The following KLHL32 variants were observed in gnomAD, a reference collection of about 807,000 sequenced individuals.
The protein encoded by KLHL32 is kelch-like protein 32.
In KLHL32, 35 loss-of-function variants were observed where a neutral mutation model predicts 64.8. The ratio of observed to expected loss-of-function variants is 0.54; its 90% CI spans 0.41 to 0.72. The LOEUF is 0.72. Ranked by LOEUF, KLHL32 falls within the 30% of genes least tolerant of loss-of-function variation. The pLI is 0.00. For missense variants in KLHL32, 589 were observed against 768.5 expected (o/e 0.77, Z 2.76); for synonymous variants, 259 against 281.0 (o/e 0.92, Z 0.78).
chr6:97,069,906 C>T (rs1025868602), intron 5 of KLHL32, among the ~76,000 whole-genome samples: 5 of 151,796 alleles, frequency 3.3e-5, no homozygotes, highest in Non-Finnish European at 7.4e-5. Flanking sequence ...ACTACAATGA[C>T]TTATAGGAGG....
chr6:97,099,552 C>T (rs138202952), intron 6 of KLHL32, among the ~76,000 whole-genome samples: 287 of 152,336 alleles, frequency 1.9e-3, no homozygotes, highest in African/African-American at 6.5e-3. Flanking sequence ...CTACCTTCTA[C>T]TCATTCCTTC....
intron 1 of KLHL32, among the ~76,000 whole-genome samples, chr6:96,932,932 C>T (rs1770121004): frequency 6.6e-6 from 1 of 152,100 alleles, no homozygotes; most frequent in Non-Finnish European, 1.5e-5. Context: ...CCATCAGAAG[C>T]CTGCAATTAA....
At chr6:97,020,622 A>G (rs1015924648) in intron 3 of KLHL32, among the ~76,000 whole-genome samples, 8 of 151,064 alleles carry the variant, frequency 5.3e-5, no homozygotes, top group African/African-American at 1.7e-4. Flanking sequence ...TTATAAGACT[A>G]GCATAATGAG....
intron 3 of KLHL32, among the ~76,000 whole-genome samples, chr6:97,028,880 T>TAGG (rs1783117561): frequency 6.6e-6 from 1 of 152,134 alleles, no homozygotes; most frequent in Non-Finnish European, 1.5e-5. Flanking sequence ...GTATGGTGGG[T>TAGG]AGGAATGTAT....
At chr6:96,986,220 C>G (rs185845077) in intron 3 of KLHL32, among the ~76,000 whole-genome samples, 1 of 152,144 alleles carries the variant, frequency 6.6e-6, no homozygotes, top group South Asian at 2.1e-4. Context: ...GCTGCCGGAT[C>G]GTTCCTCTGG....
At chr6:97,067,431 A>G (rs563710493) in intron 5 of KLHL32, among the ~76,000 whole-genome samples, 1 of 152,144 alleles carries the variant, frequency 6.6e-6, no homozygotes, top group South Asian at 2.1e-4. Flanking sequence ...AATGTATTTA[A>G]TGCTAATTGA....
chr6:97,016,849 A>G (rs1297330122), intron 3 of KLHL32, among the ~76,000 whole-genome samples: 1 of 152,092 alleles, frequency 6.6e-6, no homozygotes, highest in Admixed American at 6.6e-5. Context: ...TTCTCATGAT[A>G]ATGAGTGAGT....
At chr6:97,092,919 G>A (rs968927469) in intron 6 of KLHL32, among the ~76,000 whole-genome samples, 20 of 152,150 alleles carry the variant, frequency 1.3e-4, no homozygotes, top group African/African-American at 4.8e-4. Flanking sequence ...GACCCAACTT[G>A]TATTCATGTG....
chr6:96,994,690 G>A, intron 3 of KLHL32: 1 of 906,956 alleles, frequency 1.1e-6, no homozygotes, highest in Non-Finnish European at 1.3e-6. Context: ...GAGTTCCTGT[G>A]ATCATCACCA....
intron 3 of KLHL32, among the ~76,000 whole-genome samples, chr6:97,003,567 G>T (rs1461784561): frequency 6.6e-6 from 1 of 152,102 alleles, no homozygotes; most frequent in African/African-American, 2.4e-5. Context: ...ATGTCTGCCA[G>T]GGCCTATGTC....
intron 3 of KLHL32, among the ~76,000 whole-genome samples, chr6:97,015,506 G>A (rs960289210): frequency 6.6e-6 from 1 of 152,228 alleles, no homozygotes; most frequent in Non-Finnish European, 1.5e-5. Context: ...CTATGCTTTA[G>A]CAAAGAGACT....
intron 2 of KLHL32, among the ~76,000 whole-genome samples, chr6:96,968,397 A>C (rs35745860): frequency 0.13 from 19,597 of 151,800 alleles, 1,555 homozygotes; most frequent in East Asian, 0.26. Context: ...AAAACAAAAA[A>C]AAAAACATCT....
intron 6 of KLHL32, among the ~76,000 whole-genome samples, chr6:97,105,749 T>C (rs569054232): frequency 2.7e-5 from 4 of 149,504 alleles, no homozygotes; most frequent in Admixed American, 2.0e-4. Flanking sequence ...TGAAAGACAA[T>C]ATTTGTAGAC....
intron 3 of KLHL32, among the ~76,000 whole-genome samples, chr6:96,977,207 T>TAATATGTATATAATA (rs1279956983): frequency 6.6e-6 from 1 of 152,190 alleles, no homozygotes; most frequent in African/African-American, 2.4e-5. Flanking sequence ...ATTGTGCACA[T>TAATATGTATATAATA]ATATATACAT....
chr6:96,909,229 C>T, the KLHL32 span, among the ~76,000 whole-genome samples: 3 of 152,062 alleles, frequency 2.0e-5, no homozygotes, highest in Admixed American at 2.0e-4. Flanking sequence ...CTATCAGAAC[C>T]ACATGGAAGT....
At chr6:97,061,183 C>A (rs1788829514) in intron 4 of KLHL32, among the ~76,000 whole-genome samples, 1 of 152,130 alleles carries the variant, frequency 6.6e-6, no homozygotes, top group Non-Finnish European at 1.5e-5. Context: ...CATGCCCCCA[C>A]CTAAGTTTGC....
At chr6:96,906,220 C>A in the KLHL32 span, among the ~76,000 whole-genome samples, 1 of 152,186 alleles carries the variant, frequency 6.6e-6, no homozygotes, top group Non-Finnish European at 1.5e-5. Context: ...CTGCTTTGGA[C>A]TTCTAACCTA....
chr6:96,903,763 C>A, the KLHL32 span, among the ~76,000 whole-genome samples: 1 of 152,128 alleles, frequency 6.6e-6, no homozygotes, highest in South Asian at 2.1e-4. Context: ...AAATTCAACA[C>A]CCATTACTAA....
At chr6:96,916,017 A>T in the KLHL32 span, among the ~76,000 whole-genome samples, 4 of 152,246 alleles carry the variant, frequency 2.6e-5, no homozygotes, top group Non-Finnish European at 4.4e-5. Flanking sequence ...AAAGGAGTTT[A>T]ATTGAGTAAT....
Sources: allele counts gnomAD v4.1 joint callset (sites outside exome capture counted in the v4.1 genomes callset), GRCh38; gene constraint gnomAD v4.1.1; transcripts MANE v1.5; gene names NCBI Gene and HGNC (gene_info 2026-07-23, HGNC 2026-07-21).